Variants in TMEM132C observed in about 807,000 individuals in gnomAD.
TMEM132C encodes the protein protein phosphatase 1, regulatory subunit 152.
In TMEM132C, 29 loss-of-function variants were observed where a neutral mutation model predicts 61.4. That is an observed-to-expected ratio of 0.47 (90% CI 0.35 to 0.64). The LOEUF (loss-of-function observed/expected upper bound fraction) is 0.64. Among genes scored for constraint, TMEM132C ranks in the 30% least tolerant of loss-of-function variants. TMEM132C has a pLI of 0.00. For synonymous variants in TMEM132C, 656 were observed against 633.1 expected, an observed-to-expected ratio of 1.04 and a Z score of -0.54; for missense variants, 1,408 against 1,476.9, an observed-to-expected ratio of 0.95 and a Z score of 0.76.
At chr12:128,612,077 G>T (rs1876654151) in intron 3 of TMEM132C, among the ~76,000 whole-genome samples, 1 of 152,174 alleles carries the variant, frequency 6.6e-6, no homozygotes, top group Non-Finnish European at 1.5e-5. Context: ...AGAGACAAGG[G>T]CATTGGTTCT....
intron 2 of TMEM132C, among the ~76,000 whole-genome samples, chr12:128,427,418 G>A (rs543853588): frequency 0.1 from 10,658 of 103,820 alleles, 466 homozygotes; most frequent in Middle Eastern, 0.15. Context: ...GTGTGTGTGT[G>A]TGTGTGTGTG....
intron 1 of TMEM132C, among the ~76,000 whole-genome samples, chr12:128,383,340 C>T (rs1054238880): frequency 1.3e-5 from 2 of 152,178 alleles, no homozygotes; most frequent in African/African-American, 2.4e-5. Context: ...AATGGCCAAC[C>T]GCCCGTTGGC....
chr12:128,358,117 A>T (rs1023339136), intron 1 of TMEM132C, among the ~76,000 whole-genome samples: 4 of 152,006 alleles, frequency 2.6e-5, no homozygotes, highest in African/African-American at 9.7e-5. Flanking sequence ...CTGGAGCTGC[A>T]CGGCCCTGGG....
At chr12:128,366,989 G>A (rs557933563) in intron 1 of TMEM132C, among the ~76,000 whole-genome samples, 1 of 152,332 alleles carries the variant, frequency 6.6e-6, no homozygotes, top group East Asian at 1.9e-4. Flanking sequence ...GAAGAACTTG[G>A]CTTTGATATT....
chr12:128,316,721 T>G (rs902854133), intron 1 of TMEM132C, among the ~76,000 whole-genome samples: 4 of 152,204 alleles, frequency 2.6e-5, no homozygotes, highest in African/African-American at 9.6e-5. Flanking sequence ...TTAAACAATT[T>G]TAATGTTATA....
At chr12:128,581,877 A>G (rs1234464748) in intron 3 of TMEM132C, among the ~76,000 whole-genome samples, 2 of 152,164 alleles carry the variant, frequency 1.3e-5, no homozygotes, top group Non-Finnish European at 2.9e-5. Flanking sequence ...AGAAAAATTG[A>G]GTTGTGTACT....
Position 128,630,148 on chromosome 12 carries a change from G to A in TMEM132C, c.1305+13813G>A, listed in dbSNP as rs1193113091. Among the ~76,000 whole-genome samples the A allele has an allele frequency of 6.6e-6, 1 of 152,038 alleles. No individual in the cohort carries two copies. The highest frequency in any genetic ancestry group is 1.5e-5 in the Non-Finnish European group (1 of 67,992). ...CTTGGGGACTTGGGAAAGCCTGGGTGCCCCCCTCCAAGGTGTCTCAGGCGG... is the reference window on the plus strand; with the variant it reads ...CTTGGGGACTTGGGAAAGCCTGGGTACCCCCCTCCAAGGTGTCTCAGGCGG... On this transcript the variant is annotated intron_variant, in intron 4 of 8. Transcript: ENST00000435159. The surrounding 1 kb of genome is among the most constrained non-coding windows in gnomAD (Gnocchi z 4.3).
rs575015011 is a variant in TMEM132C at position 128,533,811 on chromosome 12, T to G, written c.975-10146T>G. Among the ~76,000 whole-genome samples the G allele has an allele frequency of 1.6e-3, 250 of 152,326 alleles. 2 individuals carry two copies. The highest frequency in any genetic ancestry group is 0.01 in the Middle Eastern group (3 of 294). On this transcript the variant is annotated intron_variant, in intron 2 of 8. Coordinates refer to ENST00000435159, the MANE Select transcript of TMEM132C (RefSeq NM_001136103.3). ...CAACAATAATTATCATTTTTCAGTT[T>G]GAACGTACTCTGAAGATCAGATTCA...
chr12:128,483,385 G>T (rs937247081), intron 2 of TMEM132C, among the ~76,000 whole-genome samples: 3 of 151,888 alleles, frequency 2.0e-5, no homozygotes, highest in African/African-American at 7.2e-5. Flanking sequence ...GGGCCATGGA[G>T]CCCCTGGGTA....
chr12:128,598,139 G>C (rs1876038476), intron 3 of TMEM132C, among the ~76,000 whole-genome samples: 1 of 152,230 alleles, frequency 6.6e-6, no homozygotes, highest in African/African-American at 2.4e-5. Flanking sequence ...GGAGGAGGCT[G>C]GGCACGGTGG....
At position 128,332,446 on chromosome 12, in the gene TMEM132C, TTCTCTTTCTC is replaced by T. The variant is rs372116270; in HGVS notation, c.85+64975_85+64984del. On this transcript the variant is annotated intron_variant, in intron 1 of 8. Transcript: ENST00000435159. ...TTAACAGCTCTTCCTTGAAGATGTA[TTCTCTTTCTC>T]TCTCTTTCTCTCTCTGCTGTGAGCC... 2.4e-3 allele frequency among the ~76,000 whole-genome samples: 368 copies of T among 152,356 alleles called. 3 individuals carry two copies. Among genetic ancestry groups the T allele is most frequent in the Middle Eastern group, 0.01 (3 of 294 alleles).
Position 128,351,284 on chromosome 12 carries a change from T to C in TMEM132C, c.86-63448T>C, listed in dbSNP as rs115155115. On this transcript the variant is annotated intron_variant, in intron 1 of 8. Coordinates refer to ENST00000435159, the MANE Select transcript of TMEM132C (RefSeq NM_001136103.3). The stretch of plus-strand genomic sequence containing the variant: ...ATAAGGAGACTGGACTCCTAGGGGC[T>C]GAGAAGGGACATAGAAAGGTCTGTT... Among the ~76,000 whole-genome samples, 532 of 152,242 alleles carry C rather than the reference T, an allele frequency of 3.5e-3. 3 individuals carry two copies. The highest frequency in any genetic ancestry group is 0.013 in the African/African-American group (521 of 41,546).
intron 3 of TMEM132C, among the ~76,000 whole-genome samples, chr12:128,557,333 A>G (rs1219471280): frequency 1.3e-5 from 2 of 152,238 alleles, no homozygotes; most frequent in Non-Finnish European, 2.9e-5. Flanking sequence ...CTGAAAATGT[A>G]TGAAGCAAAT....
chr12:128,443,135 A>C (rs149581075), intron 2 of TMEM132C, among the ~76,000 whole-genome samples: 67 of 151,972 alleles, frequency 4.4e-4, no homozygotes, highest in African/African-American at 1.6e-3. Context: ...ATACATATAT[A>C]TATATTGAGA....
rs189070566 is a variant in TMEM132C, at chr12:128,565,960, G to A, written c.1121+21857G>A. On this transcript the variant is annotated intron_variant, in intron 3 of 8. Coordinates refer to ENST00000435159, the MANE Select transcript of TMEM132C (RefSeq NM_001136103.3). ...GCTGGAGTACAATGGTACAATCTTGGCTCACTGCAACCTCCGCCACCTGGA... is the reference window on the plus strand; with the variant it reads ...GCTGGAGTACAATGGTACAATCTTGACTCACTGCAACCTCCGCCACCTGGA... Among the ~76,000 whole-genome samples, 36 of 152,048 alleles carry A rather than the reference G, an allele frequency of 2.4e-4. No homozygotes were observed. In the East Asian group the frequency reaches 6.8e-3, roughly 29 times the overall value.
chr12:128,677,162 C>G (rs182188330), intron 5 of TMEM132C, among the ~76,000 whole-genome samples: 7 of 152,338 alleles, frequency 4.6e-5, no homozygotes, highest in African/African-American at 1.7e-4. Flanking sequence ...AAAGCTGTGT[C>G]TTGCTTGCAG....
At chr12:128,312,408 T>C (rs1872002584) in intron 1 of TMEM132C, among the ~76,000 whole-genome samples, 1 of 152,020 alleles carries the variant, frequency 6.6e-6, no homozygotes, top group Admixed American at 6.6e-5. Flanking sequence ...CAGGCTCAGG[T>C]GATCCTCCCA....
At chr12:128,352,357 C>G (rs998328865) in intron 1 of TMEM132C, among the ~76,000 whole-genome samples, 3 of 152,106 alleles carry the variant, frequency 2.0e-5, no homozygotes, top group Non-Finnish European at 4.4e-5. Flanking sequence ...CTCGTGAGAA[C>G]TTACTCACTG....
chr12:128,607,755 CTT>C (rs1027705880), intron 3 of TMEM132C, among the ~76,000 whole-genome samples: 1 of 152,188 alleles, frequency 6.6e-6, no homozygotes, highest in African/African-American at 2.4e-5. Flanking sequence ...GTGCCCGACT[CTT>C]TGGGCGTGTT....
Sources: gnomAD v4.1 joint callset for allele counts (sites outside exome capture counted in the v4.1 genomes callset) on GRCh38, gnomAD v4.1.1 for gene constraint, Gnocchi (gnomAD v3.1) non-coding constraint, MANE v1.5 for transcripts, NCBI Gene and HGNC (gene_info 2026-07-23, HGNC 2026-07-21) for gene names.